The following PRKDC variants were observed in gnomAD, a reference collection of about 807,000 sequenced individuals.
PRKDC encodes the protein DNA-dependent protein kinase catalytic subunit.
Under a neutral mutation model 486.9 loss-of-function variants are expected in PRKDC, and 82 were observed. That is an observed-to-expected ratio of 0.17 (90% CI 0.14 to 0.20). PRKDC has a LOEUF of 0.20. Among genes scored for constraint, PRKDC ranks in the 10% least tolerant of loss-of-function variants. The pLI, the probability that PRKDC is intolerant of heterozygous loss-of-function variation, is 1.00. For missense variants in PRKDC, 4,504 were observed against 5,038.2 expected (o/e 0.89, Z 3.21); for synonymous variants, 1,895 against 1,837.0 (o/e 1.03, Z -0.81).
intron 59 of PRKDC, 101 bp downstream of exon 59, chr8:47,834,095 T>G (rs1187639306): frequency 2.1e-6 from 3 of 1,432,314 alleles, no homozygotes; most frequent in Non-Finnish European, 2.9e-6. Flanking sequence ...TGATTACGAA[T>G]GAGAAGGAAA....
Position 47,852,615 on chromosome 8 carries a change from T to A in PRKDC, c.7005+58A>T, listed in dbSNP as rs2088434400. 7.6e-6 allele frequency: 8 copies of A among 1,054,210 alleles called. No individual in the cohort carries two copies. The South Asian group carries it at 1.3e-4, about 17-fold the overall frequency. The allele number at this position is 1,054,210 out of a possible 1,614,324, so 65.3% of individuals were successfully genotyped here. On this transcript the variant is annotated intron_variant, in intron 52 of 85. Transcript: ENST00000314191. ...GAAATAAACATATAAGTATCAAGGG[T>A]CATAACAAATCAAAACAGAGTAAGA...
Position 47,817,520 on chromosome 8 carries a change from T to C in PRKDC, c.9487A>G (p.Thr3163Ala), listed in dbSNP as rs1274051157. 1.2e-6 allele frequency: 2 copies of C among 1,606,580 alleles called. No homozygotes were observed. Among genetic ancestry groups the C allele is most frequent in the Admixed American group, 1.7e-5 (1 of 59,042 alleles). The change falls in exon 68 of 86, where the codon ACC becomes GCC. Residue 3163 changes from threonine (T) to alanine (A), a missense_variant. Transcript: ENST00000314191. ...SQVPLKRLLNTWTNRYPDAKM... is the reference protein window; with the variant it reads ...SQVPLKRLLNAWTNRYPDAKM... ...GCATCTGGATATCTGTTTGTCCAGG[T>C]GTTCAGAAGTCTCTTAAGGGGAACT...
At chr8:47,777,549 T>C (rs1354505756) in intron 84 of PRKDC, 137 bp downstream of exon 84, 10 of 1,044,402 alleles carry the variant, frequency 9.6e-6, no homozygotes, top group African/African-American at 1.6e-5. Flanking sequence ...AATACTAACT[T>C]TGAGAAATGC....
intron 30 of PRKDC, among the ~76,000 whole-genome samples, chr8:47,896,123 G>A (rs1319593253): frequency 1.3e-5 from 2 of 151,898 alleles, no homozygotes; most frequent in Non-Finnish European, 2.9e-5. Context: ...TATTATACAT[G>A]TAAAATGATA....
intron 68 of PRKDC, among the ~76,000 whole-genome samples, chr8:47,807,667 C>G (rs1440906893): frequency 6.6e-6 from 1 of 151,338 alleles, no homozygotes; most frequent in African/African-American, 2.4e-5. Context: ...ATCTGGCCAC[C>G]TTGGCCTCCC....
At chr8:47,900,030 A>G (rs1167422055) in intron 28 of PRKDC, among the ~76,000 whole-genome samples, 1 of 152,208 alleles carries the variant, frequency 6.6e-6, no homozygotes, top group African/African-American at 2.4e-5. Flanking sequence ...TACCACATCC[A>G]GTTTCTTCAG....
chr8:47,822,615 C>T (rs2087627680), intron 64 of PRKDC, among the ~76,000 whole-genome samples: 1 of 151,808 alleles, frequency 6.6e-6, no homozygotes. Flanking sequence ...ACGGTGAAAC[C>T]CCATCTCTAC....
chr8:47,826,948 A>G (rs1287432420), intron 62 of PRKDC, 87 bp from the exon 63 acceptor site: 1 of 1,303,416 alleles, frequency 7.7e-7, no homozygotes, highest in Non-Finnish European at 1.0e-6. Context: ...ACTAAACATA[A>G]AAGGTACCCA....
At chr8:47,903,565 G>GT (rs1200698094) in intron 26 of PRKDC, among the ~76,000 whole-genome samples, 2 of 152,172 alleles carry the variant, frequency 1.3e-5, no homozygotes, top group African/African-American at 4.8e-5. Flanking sequence ...CAGAGCAGAG[G>GT]TCACCAGCGC....
At chr8:47,923,617 T>C (rs1469869137) in intron 21 of PRKDC, among the ~76,000 whole-genome samples, 2 of 152,148 alleles carry the variant, frequency 1.3e-5, no homozygotes, top group African/African-American at 2.4e-5. Context: ...TCACTCTCAA[T>C]CATTAGTACG....
chr8:47,810,457 T>C lies in PRKDC; in HGVS notation c.9558-3131A>G, dbSNP rs1043682532. Among the ~76,000 whole-genome samples the C allele has an allele frequency of 4.6e-5, 7 of 152,342 alleles. No individual in the cohort carries two copies. The South Asian group carries it at 1.4e-3, about 32-fold the overall frequency. ...ACAGTATACATAAGGTTTGGTATTATCCATGGTTTCAGGATTCCACTGGGG... is the reference window on the plus strand; with the variant it reads ...ACAGTATACATAAGGTTTGGTATTACCCATGGTTTCAGGATTCCACTGGGG... On this transcript the variant is annotated intron_variant, in intron 68 of 85. Coordinates refer to ENST00000314191, the MANE Select transcript of PRKDC (RefSeq NM_006904.7).
At chr8:47,898,996 T>C (rs947089545) in intron 28 of PRKDC, among the ~76,000 whole-genome samples, 1 of 152,226 alleles carries the variant, frequency 6.6e-6, no homozygotes, top group Non-Finnish European at 1.5e-5. Flanking sequence ...TGTAAATCCC[T>C]TGACCTCCCT....
chr8:47,776,257 AC>A (rs1468817235), intron 85 of PRKDC, among the ~76,000 whole-genome samples: 1 of 152,246 alleles, frequency 6.6e-6, no homozygotes, highest in Non-Finnish European at 1.5e-5. Flanking sequence ...TGGAAAGGTC[AC>A]TGAATGGTCT....
At position 47,778,549 on chromosome 8, in the gene PRKDC, T is replaced by C. The variant is rs922257794; in HGVS notation, c.11763A>G (p.Gly3921=). The part of the protein sequence containing the change: ...ICISHWILGI[G]DRHLNNFMVA... Reference sequence around the variant, plus strand: ...CCATAAAGTTGTTCAGATGTCTGTCTCCAATCCCGAGGATCCAGTGGCTGA... The same window carrying C: ...CCATAAAGTTGTTCAGATGTCTGTCCCCAATCCCGAGGATCCAGTGGCTGA... Residue 3921 remains glycine (G), a synonymous_variant, in exon 83 of 86, where the codon GGA becomes GGG. Coordinates refer to ENST00000314191, the MANE Select transcript of PRKDC (RefSeq NM_006904.7). The C allele has an allele frequency of 1.9e-6, 3 of 1,613,824 alleles. No individual in the cohort carries two copies. The highest frequency in any genetic ancestry group is 2.2e-5 in the East Asian group (1 of 44,866).
intron 57 of PRKDC, among the ~76,000 whole-genome samples, chr8:47,836,908 A>G (rs1589731644): frequency 6.6e-6 from 1 of 152,306 alleles, no homozygotes; most frequent in South Asian, 2.1e-4. Context: ...GCTCCCTGCA[A>G]CCTGCCCATC....
rs759169689 is a variant in PRKDC, at chr8:47,859,780, A to C, written c.6059-21T>G. 14 of 1,588,864 alleles carry C rather than the reference A, an allele frequency of 8.8e-6. No homozygotes were observed. The African/African-American group carries it at 1.8e-4, about 20-fold the overall frequency. On this transcript the variant is annotated intron_variant, in intron 45 of 85. Transcript: ENST00000314191. ...ACCATCTGAAATATAAAAAAGGAGA[A>C]AATTACATGTATTCAAACATAATTA...
chr8:47,788,757 T>G, intron 76 of PRKDC, 149 bp downstream of exon 76: 1 of 818,380 alleles, frequency 1.2e-6, no homozygotes, highest in Non-Finnish European at 1.7e-6. Flanking sequence ...ACAGAAAGCA[T>G]GAGACCTAAA....
intron 40 of PRKDC, among the ~76,000 whole-genome samples, chr8:47,871,839 C>T (rs7008435): frequency 0.012 from 1,794 of 152,254 alleles, 47 homozygotes; most frequent in African/African-American, 0.04. Context: ...GATCCACCAG[C>T]CTCGGCCTCC....
chr8:47,905,820 C>A (rs2089770670), intron 25 of PRKDC, among the ~76,000 whole-genome samples: 1 of 152,056 alleles, frequency 6.6e-6, no homozygotes, highest in Admixed American at 6.5e-5. Context: ...GGCCAGGTAG[C>A]CCCGTGCTCC....
Sources: allele counts gnomAD v4.1 joint callset (sites outside exome capture counted in the v4.1 genomes callset), GRCh38; gene constraint gnomAD v4.1.1; transcripts MANE v1.5; gene names NCBI Gene and HGNC (gene_info 2026-07-23, HGNC 2026-07-21).